IFI35: variants seen among roughly 807,000 people sequenced by gnomAD.
IFI35 encodes interferon induced protein 35.
In IFI35, 30 loss-of-function variants were observed where a neutral mutation model predicts 28.6. The observed-to-expected ratio is 1.05, with a 90% confidence interval of 0.79 to 1.43. IFI35 has a LOEUF of 1.43. Among genes scored for constraint, IFI35 ranks in the 40% most tolerant of loss-of-function variants. The pLI, the probability that IFI35 is intolerant of heterozygous loss-of-function variation, is 0.00. For synonymous variants in IFI35, 146 were observed against 154.8 expected (o/e 0.94, Z 0.42); for missense variants, 372 against 356.9 (o/e 1.04, Z -0.34).
rs887726895 is a variant in IFI35, at chr17:43,013,463, T to C, written c.376-13T>C. On this transcript the variant is annotated splice_polypyrimidine_tract_variant and intron_variant, in intron 4 of 6. Transcript: ENST00000415816. ...AGCTGTGTCTGGGACCACCCCTTGC[T>C]GTCTCCCCCTAGATGTCCAGCCAGT... The C allele has an allele frequency of 2.5e-6, 4 of 1,613,690 alleles. No individual in the cohort carries two copies. The highest frequency in any genetic ancestry group is 3.4e-6 in the Non-Finnish European group (4 of 1,179,698).
At chr17:43,012,703 C>A (rs903181169) in intron 2 of IFI35, 20 of 290,354 alleles carry the variant, frequency 6.9e-5, no homozygotes, top group Non-Finnish European at 1.1e-4. Context: ...CCACTACACT[C>A]CAGCTGGGTG....
rs778231273 is a variant in IFI35, at chr17:43,013,563, C to T, written c.463C>T (p.Leu155=). Reference sequence around the variant, plus strand: ...GAGTGAGGAGGAGCTGCTGGACAAGCTAGAGATCTTCTTTGGCAAGACTAG... The same window carrying T: ...GAGTGAGGAGGAGCTGCTGGACAAGTTAGAGATCTTCTTTGGCAAGACTAG... ...RLSEEELLDK[L]EIFFGKTRNG... The change falls in exon 5 of 7, where the codon CTA becomes TTA. Residue 155 remains leucine, a synonymous_variant. Transcript: ENST00000415816. The T allele has an allele frequency of 3.7e-6, 6 of 1,614,102 alleles. No homozygotes were observed. In the South Asian group the frequency reaches 6.6e-5, roughly 18 times the overall value.
chr17:43,007,312 C>G (rs1453237292), intron 1 of IFI35, among the ~76,000 whole-genome samples: 4 of 151,994 alleles, frequency 2.6e-5, no homozygotes, highest in Non-Finnish European at 4.4e-5. Flanking sequence ...TTTGGGAGGC[C>G]TTGGCAATAC....
intron 1 of IFI35, 114 bp from the exon 2 acceptor site, chr17:43,012,065 A>G: frequency 1.4e-6 from 1 of 705,736 alleles, no homozygotes; most frequent in Non-Finnish European, 2.3e-6. Flanking sequence ...GTTGTTCTTG[A>G]GCTTAGCATC....
At chr17:43,008,332 A>ACTTTT (rs2050427930) in intron 1 of IFI35, among the ~76,000 whole-genome samples, 1 of 131,462 alleles carries the variant, frequency 7.6e-6, no homozygotes, top group Admixed American at 7.8e-5. Flanking sequence ...CCATGCCCGG[A>ACTTTT]CTTTTCTTTC....
At chr17:43,012,434 A>T in intron 2 of IFI35, 157 bp downstream of exon 2, 1 of 497,908 alleles carries the variant, frequency 2.0e-6, no homozygotes, top group South Asian at 2.6e-5. Context: ...GTGAAATCCC[A>T]TCTCTACTAA....
rs755969340 is a variant in IFI35 at position 43,014,129 on chromosome 17, C to T, written c.691C>T (p.Arg231Cys). 13 of 1,613,926 alleles carry T rather than the reference C, an allele frequency of 8.1e-6. No individual in the cohort carries two copies. The highest frequency in any genetic ancestry group is 6.7e-5 in the African/African-American group (5 of 74,926). ...KAEIRSQPVP[R>C]SVLVLNIPDI... ...CCAGATCAGGTCGCAGCCAGTTCCCCGCTCGGTACTGGTGCTCAACATTCC... is the reference window on the plus strand; with the variant it reads ...CCAGATCAGGTCGCAGCCAGTTCCCTGCTCGGTACTGGTGCTCAACATTCC... The change falls in exon 7 of 7, where the codon CGC becomes TGC. Residue 231 changes from arginine (R) to cysteine (C), a missense_variant. By Grantham distance (180) the Arg-to-Cys change is radical. Transcript: ENST00000415816.
chr17:43,014,164 G>A lies in IFI35; in HGVS notation c.726G>A (p.Leu242=), dbSNP rs1414743772. The A allele has an allele frequency of 6.2e-7, 1 of 1,613,980 alleles. No homozygotes were observed. The highest frequency in any genetic ancestry group is 1.3e-5 in the African/African-American group (1 of 74,904). ...TGGTGCTCAACATTCCTGATATCTTGGATGGCCCGGAGCTGCATGACGTCC... is the reference window on the plus strand; with the variant it reads ...TGGTGCTCAACATTCCTGATATCTTAGATGGCCCGGAGCTGCATGACGTCC... ...SVLVLNIPDI[L]DGPELHDVLE... The change falls in exon 7 of 7, where the codon TTG becomes TTA. Residue 242 remains leucine, a synonymous_variant. Transcript: ENST00000415816.
In IFI35 at chr17:43,013,272, G is replaced by C; in HGVS notation, c.274G>C (p.Glu92Gln). 6.2e-7 allele frequency: 1 copy of C among 1,614,140 alleles called. No individual in the cohort carries two copies. The highest frequency in any genetic ancestry group is 8.5e-7 in the Non-Finnish European group (1 of 1,180,018). ...LITFDDPKVAEQVLQQKEHTI... is the reference protein window; with the variant it reads ...LITFDDPKVAQQVLQQKEHTI... ...CCCTGTTTCCCACCACCCAGTGGCT[G>C]AGCAGGTGCTGCAACAAAAGGAGCA... Residue 92 changes from glutamate (E) to glutamine (Q), a missense_variant, in exon 4 of 7, where the codon GAG becomes CAG. Coordinates refer to ENST00000415816, the MANE Select transcript of IFI35 (RefSeq NM_001330230.2).
Position 43,013,320 on chromosome 17 carries a change from C to CG in IFI35, c.324dup (p.Leu109AlafsTer40). The CG allele has an allele frequency of 6.2e-7, 1 of 1,614,092 alleles. No homozygotes were observed. The highest frequency in any genetic ancestry group is 8.5e-7 in the Non-Finnish European group (1 of 1,180,026). ...GCACACGATCAACATGGAGGAGTGC[C>CG]GGCTGCGGGTGCAGGTCCAGCCCTT... On this transcript the variant is annotated frameshift_variant, in exon 4 of 7. Transcript: ENST00000415816. LOFTEE classifies it high-confidence loss of function.
intron 1 of IFI35, among the ~76,000 whole-genome samples, chr17:43,007,434 G>A (rs1462065669): frequency 2.6e-5 from 4 of 151,716 alleles, no homozygotes; most frequent in African/African-American, 9.7e-5. Flanking sequence ...GAACCTGGGA[G>A]GCGGAGGTTG....
chr17:43,008,473 C>T (rs2050429481), intron 1 of IFI35, among the ~76,000 whole-genome samples: 1 of 150,100 alleles, frequency 6.7e-6, no homozygotes. Context: ...CTCAGCATCC[C>T]AAGTAGCTGG....
chr17:43,012,911 C>T (rs1245624123), intron 2 of IFI35, 136 bp from the exon 3 acceptor site: 4 of 944,754 alleles, frequency 4.2e-6, no homozygotes, highest in Non-Finnish European at 6.6e-6. Context: ...GACCTGCATT[C>T]ATCCACTCAT....
At chr17:43,012,338 C>G in intron 2 of IFI35, 61 bp downstream of exon 2, 1 of 1,262,534 alleles carries the variant, frequency 7.9e-7, no homozygotes, top group Non-Finnish European at 1.1e-6. Context: ...GGTGCGGTGG[C>G]TCACACCTGT....
In IFI35 at chr17:43,013,098, C is replaced by A. The variant is rs1230369734; in HGVS notation, c.172C>A (p.Gln58Lys). 1 of 1,613,988 alleles carries A rather than the reference C, an allele frequency of 6.2e-7. No homozygotes were observed. Among genetic ancestry groups the A allele is most frequent in the Non-Finnish European group, 8.5e-7 (1 of 1,180,038 alleles). ...CCTGGTATTCCGAGGACACACCCAG[C>A]AGGACCCGGAAGTGCCTAAGTCTTT... ...IPLVFRGHTQ[Q>K]DPEVPKSLVS... is the part of the protein sequence containing the mutation. Residue 58 changes from glutamine (Q) to lysine (K), a missense_variant, in exon 3 of 7, where the codon CAG becomes AAG. By Grantham distance (53) the Gln-to-Lys change is moderately conservative. Coordinates refer to ENST00000415816, the MANE Select transcript of IFI35 (RefSeq NM_001330230.2).
At chr17:43,013,915 C>G in intron 6 of IFI35, 33 bp downstream of exon 6, 2 of 1,470,206 alleles carry the variant, frequency 1.4e-6, no homozygotes, top group East Asian at 2.4e-5. Context: ...AGGGGCTGGG[C>G]TGGGTAACCT....
At position 43,014,353 on chromosome 17, in the gene IFI35, TG is replaced by T; in HGVS notation, c.*57del. On this transcript the variant is annotated 3_prime_UTR_variant, in exon 7 of 7. Coordinates refer to ENST00000415816, the MANE Select transcript of IFI35 (RefSeq NM_001330230.2). ...CCCCGCCAAGGTTCTCACACTGGCC[TG>T]GGCTTGGGTGCCCATATAGGAGGTC... is the stretch of plus-strand genomic sequence containing the variant. 1 of 1,336,158 alleles carries T rather than the reference TG, an allele frequency of 7.5e-7. No homozygotes were observed. The highest frequency in any genetic ancestry group is 1.0e-6 in the Non-Finnish European group (1 of 982,902). The allele number at this position is 1,336,158 out of a possible 1,614,324, so 82.8% of individuals were successfully genotyped here. A position where few individuals can be genotyped will look rare whatever the true frequency, so the allele number is the denominator to read the frequency against.
intron 1 of IFI35, among the ~76,000 whole-genome samples, chr17:43,007,845 ATT>A (rs1491563777): frequency 8.9e-5 from 6 of 67,240 alleles, no homozygotes; most frequent in Non-Finnish European, 1.8e-4. Context: ...CACACACAAA[ATT>A]TATATATATA....
intron 1 of IFI35, among the ~76,000 whole-genome samples, chr17:43,008,646 C>G (rs1353100230): frequency 3.3e-5 from 5 of 151,394 alleles, no homozygotes; most frequent in Non-Finnish European, 5.9e-5. Flanking sequence ...GCTTCAGCCT[C>G]CCAAGTAGCT....
Sources: gnomAD v4.1 joint callset for allele counts (sites outside exome capture counted in the v4.1 genomes callset) on GRCh38, gnomAD v4.1.1 for gene constraint, MANE v1.5 for transcripts, NCBI Gene and HGNC (gene_info 2026-07-23, HGNC 2026-07-21) for gene names.